Variants in ABCG1 observed in about 807,000 individuals in gnomAD.
The protein encoded by ABCG1 is ATP binding cassette subfamily G member 1.
A neutral mutation model predicts 69.2 loss-of-function variants in ABCG1; 29 were observed. That is an observed-to-expected ratio of 0.42 (90% confidence interval 0.31 to 0.57). ABCG1 has a LOEUF of 0.57. Ranked by LOEUF, ABCG1 falls within the 20% of genes least tolerant of loss-of-function variation. ABCG1 has a pLI of 0.15. For missense variants in ABCG1, 718 were observed against 898.1 expected (o/e 0.80, Z 2.56); for synonymous variants, 370 against 374.8 (o/e 0.99, Z 0.15).
intron 6 of ABCG1, 124 bp from the exon 7 acceptor site, chr21:42,284,436 C>A: frequency 5.8e-6 from 7 of 1,198,812 alleles, no homozygotes; most frequent in Non-Finnish European, 8.1e-6. Flanking sequence ...TGGGACGGGG[C>A]AGCTGCAGCT....
In ABCG1 at chr21:42,288,610, G is replaced by A. The variant is rs2068994710; in HGVS notation, c.1224+298G>A. On this transcript the variant is annotated intron_variant, in intron 10 of 14. Coordinates refer to ENST00000398449, the MANE Select transcript of ABCG1 (RefSeq NM_016818.3). The surrounding 1 kb of genome is among the most constrained non-coding windows in gnomAD (Gnocchi z 4.8). The stretch of plus-strand genomic sequence containing the variant: ...TAATCCCAGCTACTCAGGAGGCTGG[G>A]GCAGGAGAACTGCTTGAACCCAGGG... 6.6e-6 allele frequency among the ~76,000 whole-genome samples: 1 copy of A among 152,110 alleles called. No individual in the cohort carries two copies. The highest frequency in any genetic ancestry group is 1.5e-5 in the Non-Finnish European group (1 of 68,020).
chr21:42,213,582 G>T (rs981379138), upstream of ABCG1, among the ~76,000 whole-genome samples: 1 of 152,248 alleles, frequency 6.6e-6, no homozygotes, highest in Non-Finnish European at 1.5e-5. Context: ...TCCAGCCTGA[G>T]AGAGCCACAG....
At chr21:42,202,060 G>A (rs369932257) in intron 2 of ABCG1, among the ~76,000 whole-genome samples, 9 of 152,290 alleles carry the variant, frequency 5.9e-5, no homozygotes, top group East Asian at 3.9e-4. Context: ...GCAGGTGCCT[G>A]TCCCTGCCCT....
chr21:42,205,410 C>T (rs991849885), intron 2 of ABCG1, among the ~76,000 whole-genome samples: 1 of 152,000 alleles, frequency 6.6e-6, no homozygotes, highest in Non-Finnish European at 1.5e-5. Flanking sequence ...ACCAGCCTGG[C>T]TAACATGGTA....
chr21:42,251,626 G>C (rs1018453492), intron 2 of ABCG1, among the ~76,000 whole-genome samples: 6 of 152,134 alleles, frequency 3.9e-5, no homozygotes, highest in Non-Finnish European at 8.8e-5. Context: ...CCTGGTGTGG[G>C]GGAAGTGGAG....
At chr21:42,243,905 G>A (rs1053754784) in intron 2 of ABCG1, among the ~76,000 whole-genome samples, 12 of 129,868 alleles carry the variant, frequency 9.2e-5, no homozygotes, top group African/African-American at 2.9e-4. Flanking sequence ...TGCAAGCTCC[G>A]CCTCCCGGGT....
At position 42,291,699 on chromosome 21, in the gene ABCG1, C is replaced by T; in HGVS notation, c.1653+43C>T. On this transcript the variant is annotated intron_variant, in intron 13 of 14. Transcript: ENST00000398449. The surrounding 1 kb of genome is among the most constrained non-coding windows in gnomAD (Gnocchi z 6.4). ...GCTAAGTGAGGGCATGACGGCTGGG[C>T]TTCCCTGAGCTACCTTGGCCTGAGC... The T allele has an allele frequency of 6.5e-7, 1 of 1,541,758 alleles. No homozygotes were observed. Among genetic ancestry groups the T allele is most frequent in the Non-Finnish European group, 8.7e-7 (1 of 1,148,712 alleles).
At chr21:42,203,810 A>G (rs1601326725) in intron 2 of ABCG1, among the ~76,000 whole-genome samples, 1 of 152,252 alleles carries the variant, frequency 6.6e-6, no homozygotes, top group African/African-American at 2.4e-5. Flanking sequence ...TTTAATAGCA[A>G]TTGCATTAAA....
chr21:42,272,805 G>C (rs994310282), intron 3 of ABCG1, among the ~76,000 whole-genome samples: 7 of 152,216 alleles, frequency 4.6e-5, no homozygotes, highest in Non-Finnish European at 8.8e-5. Context: ...CCATCCACTC[G>C]GCTGAGCTGG....
At chr21:42,292,877 AC>A (rs2069097507) in intron 13 of ABCG1, among the ~76,000 whole-genome samples, 1 of 142,898 alleles carries the variant, frequency 7.0e-6, no homozygotes, top group East Asian at 2.1e-4. Flanking sequence ...CACACTACCC[AC>A]CACACACTAC....
At chr21:42,203,195 CA>C (rs1237439894) in intron 2 of ABCG1, among the ~76,000 whole-genome samples, 1 of 152,156 alleles carries the variant, frequency 6.6e-6, no homozygotes, top group East Asian at 1.9e-4. Context: ...GTTCTTCAGG[CA>C]TTATGAATCC....
At chr21:42,237,485 C>G (rs924818377) in intron 2 of ABCG1, among the ~76,000 whole-genome samples, 1 of 152,348 alleles carries the variant, frequency 6.6e-6, no homozygotes, top group South Asian at 2.1e-4. Flanking sequence ...TCTTCGTACT[C>G]CTCTGCCCCT....
In ABCG1 at chr21:42,282,348, G is replaced by A; in HGVS notation, c.663G>A (p.Gln221=). ...NTRTGSLSGG[Q]RKRLAIALEL... The stretch of plus-strand genomic sequence containing the variant: ...GGACCGGGAGCCTGTCAGGTGGTCA[G>A]CGCAAGCGCCTGGCCATCGCGCTGG... Residue 221 remains glutamine, a synonymous_variant, in exon 6 of 15, where the codon CAG becomes CAA. Transcript: ENST00000398449. 1 of 1,613,794 alleles carries A rather than the reference G, an allele frequency of 6.2e-7. No homozygotes were observed. Among genetic ancestry groups the A allele is most frequent in the Non-Finnish European group, 8.5e-7 (1 of 1,180,028 alleles).
intron 2 of ABCG1, among the ~76,000 whole-genome samples, chr21:42,230,600 C>G (rs1414140064): frequency 6.6e-6 from 1 of 152,208 alleles, no homozygotes; most frequent in Non-Finnish European, 1.5e-5. Context: ...GAATAAAATT[C>G]TTCTTAGGTA....
At chr21:42,211,257 C>T (rs2067586780), upstream of ABCG1, among the ~76,000 whole-genome samples, 1 of 152,158 alleles carries the variant, frequency 6.6e-6, no homozygotes, top group Non-Finnish European at 1.5e-5. Context: ...TGCACCTGGC[C>T]TCAGCATTCC....
At position 42,288,708 on chromosome 21, in the gene ABCG1, GA is replaced by G. The variant is rs989660340; in HGVS notation, c.1224+401del. On this transcript the variant is annotated intron_variant, in intron 10 of 14. Coordinates refer to ENST00000398449, the MANE Select transcript of ABCG1 (RefSeq NM_016818.3). This position sits in a 1 kb window ranked among gnomAD's most constrained non-coding sequence, Gnocchi z 4.8. ...GGGTGACAGAGAGAGACTCCCATCT[GA>G]AAAAGAAAGAAAGGAAAGAAAGGAA... is the stretch of plus-strand genomic sequence containing the variant. 5.3e-5 allele frequency among the ~76,000 whole-genome samples: 8 copies of G among 150,632 alleles called. No homozygotes were observed. Among genetic ancestry groups the G allele is most frequent in the African/African-American group, 2.0e-4 (8 of 40,820 alleles).
rs575739364 is a variant in ABCG1 at position 42,260,058 on chromosome 21, A to G, written c.287-11012A>G. 2.1e-5 allele frequency: 33 copies of G among 1,550,486 alleles called. No homozygotes were observed. The Admixed American group carries it at 4.3e-4, about 20-fold the overall frequency. On this transcript the variant is annotated intron_variant, in intron 2 of 14. Transcript: ENST00000398449. The stretch of plus-strand genomic sequence containing the variant: ...GCCCCATCACCTGGGGGTGGTCGCT[A>G]TCAGTGGCAAAGTCTTGTCAGCAGC...
At position 42,225,786 on chromosome 21, in the gene ABCG1, T is replaced by C; in HGVS notation, c.158T>C (p.Leu53Pro). 1 of 1,613,992 alleles carries C rather than the reference T, an allele frequency of 6.2e-7. No homozygotes were observed. The highest frequency in any genetic ancestry group is 2.2e-5 in the East Asian group (1 of 44,868). Reference sequence around the variant, plus strand: ...GAGACGGACCTGCTGAATGGACATCTGAAAAAAGTAGATAATAACCTCACG... The same window carrying C: ...GAGACGGACCTGCTGAATGGACATCCGAAAAAAGTAGATAATAACCTCACG... ...ATETDLLNGH[L>P]KKVDNNLTEA... The change falls in exon 2 of 15, where the codon CTG (leucine) becomes CCG (proline). Residue 53 changes from leucine to proline, a missense_variant. Physicochemically the swap from Leu to Pro is moderately conservative, Grantham distance 98. This residue lies in a region of ABCG1 where 514 missense variants were observed against 574.3 expected (regional missense o/e 0.90). Coordinates refer to ENST00000398449, the MANE Select transcript of ABCG1 (RefSeq NM_016818.3).
chr21:42,254,708 T>C (rs562843626), intron 2 of ABCG1, among the ~76,000 whole-genome samples: 1 of 152,380 alleles, frequency 6.6e-6, no homozygotes, highest in African/African-American at 2.4e-5. Flanking sequence ...GAAATGTCAC[T>C]GGATGTCATA....
Sources: allele counts gnomAD v4.1 joint callset (sites outside exome capture counted in the v4.1 genomes callset), GRCh38; gene constraint gnomAD v4.1.1; regional missense constraint gnomAD v4.1.1; non-coding constraint Gnocchi (gnomAD v3.1); transcripts MANE v1.5; gene names NCBI Gene and HGNC (gene_info 2026-07-23, HGNC 2026-07-21).